Variants in BNC2 observed in about 807,000 individuals in gnomAD.
BNC2 encodes the protein basonuclin zinc finger protein 2.
A neutral mutation model predicts 76.3 loss-of-function variants in BNC2; 20 were observed. The observed-to-expected ratio is 0.26, with a 90% CI of 0.18 to 0.38. BNC2 has a LOEUF of 0.38. BNC2 is among the 10% of genes least tolerant of loss of function. BNC2 has a pLI of 1.00. For synonymous variants in BNC2, 582 were observed against 514.8 expected, an observed-to-expected ratio of 1.13 and a Z score of -1.77; for missense variants, 1,382 against 1,399.8, an observed-to-expected ratio of 0.99 and a Z score of 0.20.
chr9:16,773,350 C>G (rs549480426), intron 1 of BNC2, among the ~76,000 whole-genome samples: 1 of 152,058 alleles, frequency 6.6e-6, no homozygotes, highest in Admixed American at 6.6e-5. Flanking sequence ...TCACTCTCAA[C>G]AAAAAGCCTT....
At chr9:16,539,327 C>T (rs577529245) in intron 5 of BNC2, among the ~76,000 whole-genome samples, 20 of 151,902 alleles carry the variant, frequency 1.3e-4, no homozygotes, top group Middle Eastern at 3.4e-3. Context: ...TGAGACCAGC[C>T]TGGGCAATAC....
At chr9:16,722,463 ATATAAT>A (rs1470113134) in intron 3 of BNC2, among the ~76,000 whole-genome samples, 2 of 152,228 alleles carry the variant, frequency 1.3e-5, no homozygotes, top group Non-Finnish European at 1.5e-5. Flanking sequence ...ACACTCATAA[ATATAAT>A]TATAAAAAAT....
At position 16,525,448 on chromosome 9, in the gene BNC2, G is replaced by A. The variant is rs182428475; in HGVS notation, c.669+27082C>T. On this transcript the variant is annotated intron_variant, in intron 5 of 6. Transcript: ENST00000380672. ...TAGAAATATAGAAAGAACCTGAAAAGACGTTTAGAAAAAAAATGGAAACAG... is the reference window on the plus strand; with the variant it reads ...TAGAAATATAGAAAGAACCTGAAAAAACGTTTAGAAAAAAAATGGAAACAG... 1.1e-4 allele frequency among the ~76,000 whole-genome samples: 16 copies of A among 152,128 alleles called. No homozygotes were observed. The East Asian group carries it at 2.7e-3, about 26-fold the overall frequency.
At chr9:16,827,961 T>C (rs1818491942) in intron 1 of BNC2, among the ~76,000 whole-genome samples, 1 of 152,234 alleles carries the variant, frequency 6.6e-6, no homozygotes, top group Non-Finnish European at 1.5e-5. Flanking sequence ...AAGATGGCAG[T>C]GCTTTATAGA....
intron 3 of BNC2, among the ~76,000 whole-genome samples, chr9:16,679,170 C>G (rs975568959): frequency 6.6e-6 from 1 of 152,136 alleles, no homozygotes; most frequent in Non-Finnish European, 1.5e-5. Context: ...CACCTCCCAC[C>G]CACCTCACTG....
Position 16,837,929 on chromosome 9 carries a change from A to C in BNC2, c.3+32717T>G, listed in dbSNP as rs146165851. Reference sequence around the variant, plus strand: ...GGCAACAAGAGTGAAACTCTGTCTAAAAAAAAAAACAAAGGGTTTCTACTC... The same window carrying C: ...GGCAACAAGAGTGAAACTCTGTCTACAAAAAAAAACAAAGGGTTTCTACTC... On this transcript the variant is annotated intron_variant, in intron 1 of 6. Coordinates refer to ENST00000380672, the MANE Select transcript of BNC2 (RefSeq NM_017637.6). Among the ~76,000 whole-genome samples the C allele has an allele frequency of 2.7e-3, 413 of 150,430 alleles. 1 individual carries two copies. Among genetic ancestry groups the C allele is most frequent in the African/African-American group, 9.7e-3 (397 of 41,094 alleles).
At chr9:16,582,904 CACACACACA>C in intron 4 of BNC2, 70 bp downstream of exon 4, 1 of 900,206 alleles carries the variant, frequency 1.1e-6, no homozygotes, top group Non-Finnish European at 1.8e-6. Context: ...CACACACACA[CACACACACA>C]CACACACACA....
At chr9:16,709,310 A>T (rs1823767461) in intron 3 of BNC2, among the ~76,000 whole-genome samples, 1 of 152,206 alleles carries the variant, frequency 6.6e-6, no homozygotes, top group African/African-American at 2.4e-5. Context: ...CACAGAAGAG[A>T]AGGAATAACT....
intron 6 of BNC2, chr9:16,435,093 T>G (rs1427635796): frequency 4.2e-6 from 2 of 471,314 alleles, no homozygotes; most frequent in Non-Finnish European, 4.4e-6. Context: ...TCCGTAAATT[T>G]CTGTTTCTAT....
chr9:16,870,521 T>A (rs1270334068), intron 1 of BNC2, 125 bp downstream of exon 1: 1 of 1,098,896 alleles, frequency 9.1e-7, no homozygotes, highest in Non-Finnish European at 1.3e-6. Context: ...TCAGCGCCCC[T>A]TGCCCCTCAC....
intron 1 of BNC2, among the ~76,000 whole-genome samples, chr9:16,815,306 G>A (rs1033090992): frequency 2.6e-5 from 4 of 152,122 alleles, no homozygotes; most frequent in South Asian, 2.1e-4. Context: ...AAACTCAAAC[G>A]CTGTGCAAAG....
At chr9:16,718,236 C>T (rs898144449) in intron 3 of BNC2, among the ~76,000 whole-genome samples, 1 of 152,226 alleles carries the variant, frequency 6.6e-6, no homozygotes, top group African/African-American at 2.4e-5. Flanking sequence ...TCCCATAACA[C>T]ATCTCACCTG....
intron 3 of BNC2, among the ~76,000 whole-genome samples, chr9:16,602,372 C>T (rs999508436): frequency 6.6e-5 from 10 of 152,008 alleles, no homozygotes; most frequent in Non-Finnish European, 1.3e-4. Context: ...TTTGGAAGTC[C>T]CAACATTAGG....
At chr9:16,808,295 GGTTT>G (rs1817960642) in intron 1 of BNC2, among the ~76,000 whole-genome samples, 1 of 151,600 alleles carries the variant, frequency 6.6e-6, no homozygotes, top group South Asian at 2.1e-4. Flanking sequence ...TTATTCTCTC[GGTTT>G]ATTTCATTAA....
At chr9:16,695,783 C>T (rs529988766) in intron 3 of BNC2, among the ~76,000 whole-genome samples, 1 of 152,148 alleles carries the variant, frequency 6.6e-6, no homozygotes, top group South Asian at 2.1e-4. Context: ...TAATCCTTAC[C>T]TCTCATGTGA....
chr9:16,814,265 G>C (rs930786759), intron 1 of BNC2, among the ~76,000 whole-genome samples: 1 of 152,192 alleles, frequency 6.6e-6, no homozygotes, highest in African/African-American at 2.4e-5. Context: ...GGGCCAGCAC[G>C]TGAGTGCACA....
intron 5 of BNC2, among the ~76,000 whole-genome samples, chr9:16,513,299 CTTTTT>C (rs1202222924): frequency 1.1e-3 from 98 of 85,552 alleles, no homozygotes; most frequent in African/African-American, 4.2e-3. Flanking sequence ...AGAAAAGGTT[CTTTTT>C]TTTTTTTTTT....
intron 4 of BNC2, among the ~76,000 whole-genome samples, chr9:16,561,910 G>A (rs569211285): frequency 2.4e-4 from 36 of 152,142 alleles, no homozygotes; most frequent in Non-Finnish European, 4.3e-4. Context: ...AGGCTGAGGT[G>A]GGAGGATCAC....
intron 1 of BNC2, among the ~76,000 whole-genome samples, chr9:16,767,619 C>T (rs1024888058): frequency 2.0e-5 from 3 of 152,162 alleles, no homozygotes; most frequent in South Asian, 2.1e-4. Flanking sequence ...GTATGCTCTG[C>T]CAAGAGGTTC....
Sources: gnomAD v4.1 joint callset for allele counts (sites outside exome capture counted in the v4.1 genomes callset) on GRCh38, gnomAD v4.1.1 for gene constraint, MANE v1.5 for transcripts, NCBI Gene and HGNC (gene_info 2026-07-23, HGNC 2026-07-21) for gene names.